MYOM1: variants seen among roughly 807,000 people sequenced by gnomAD.
The protein encoded by MYOM1 is myomesin-1.
MYOM1 carries 164 observed loss-of-function variants against 205.3 expected under a neutral mutation model. That is an observed-to-expected ratio of 0.80 (90% CI 0.70 to 0.91). MYOM1 has a LOEUF of 0.91. MYOM1 is among the 40% of genes least tolerant of loss of function. The pLI is 0.00. For synonymous variants in MYOM1, 772 were observed against 789.4 expected (o/e 0.98, Z 0.37); for missense variants, 2,011 against 2,127.3 (o/e 0.95, Z 1.08).
At chr18:3,224,140 T>C (rs112156831), upstream of MYOM1, among the ~76,000 whole-genome samples, 260 of 151,942 alleles carry the variant, frequency 1.7e-3, no homozygotes, top group African/African-American at 5.2e-3. Context: ...GAGATTCTCC[T>C]GCTTCAGCCT....
At chr18:3,240,996 C>A in the MYOM1 span, among the ~76,000 whole-genome samples, 1 of 152,072 alleles carries the variant, frequency 6.6e-6, no homozygotes, top group African/African-American at 2.4e-5. Context: ...GGGTATCTGG[C>A]AGAAGAAATT....
chr18:3,234,062 C>T, the MYOM1 span, among the ~76,000 whole-genome samples: 4 of 152,186 alleles, frequency 2.6e-5, no homozygotes, highest in African/African-American at 9.7e-5. Flanking sequence ...CCTTGCTAAG[C>T]TTCAGCTCAC....
chr18:3,176,095 A>G lies in MYOM1; in HGVS notation c.969T>C (p.Pro323=). The G allele has an allele frequency of 6.2e-7, 1 of 1,608,742 alleles. No homozygotes were observed. The highest frequency in any genetic ancestry group is 8.5e-7 in the Non-Finnish European group (1 of 1,175,134). ...NQVPINVHAN[P]GKYIIESRYG... ...ATCGACTCTCAATAATATACTTTCC[A>G]GGGTTTGCATGGACATTTATTGGCA... The change falls in exon 6 of 38, where the codon CCT becomes CCC. Residue 323 remains proline (P), a synonymous_variant. Coordinates refer to ENST00000356443, the MANE Select transcript of MYOM1 (RefSeq NM_003803.4).
At chr18:3,180,580 G>A (rs2080715142) in intron 5 of MYOM1, among the ~76,000 whole-genome samples, 1 of 152,182 alleles carries the variant, frequency 6.6e-6, no homozygotes, top group South Asian at 2.1e-4. Flanking sequence ...ATTCCAAGCT[G>A]AGTAGTCATC....
chr18:3,093,842 T>C (rs773284869), intron 26 of MYOM1, among the ~76,000 whole-genome samples: 4 of 152,114 alleles, frequency 2.6e-5, no homozygotes, highest in Non-Finnish European at 5.9e-5. Context: ...GTGAGTAAGA[T>C]GTGAATTCAG....
intron 25 of MYOM1, among the ~76,000 whole-genome samples, chr18:3,095,218 T>C (rs1009486436): frequency 4.6e-5 from 7 of 151,874 alleles, no homozygotes; most frequent in African/African-American, 1.7e-4. Context: ...TCTGGACCAG[T>C]TACTCTCCTC....
At chr18:3,132,196 G>C (rs1424584764) in intron 16 of MYOM1, among the ~76,000 whole-genome samples, 1 of 150,254 alleles carries the variant, frequency 6.7e-6, no homozygotes, top group Non-Finnish European at 1.5e-5. Flanking sequence ...CTGTTGCCCA[G>C]GCTGGAGTGC....
intron 2 of MYOM1, among the ~76,000 whole-genome samples, chr18:3,199,179 A>G (rs1477182471): frequency 6.6e-6 from 1 of 152,214 alleles, no homozygotes; most frequent in African/African-American, 2.4e-5. Context: ...GAAAAGGAGC[A>G]GCCAGGGAAG....
intron 1 of MYOM1, among the ~76,000 whole-genome samples, chr18:3,217,499 C>T (rs1039525120): frequency 1.3e-5 from 2 of 152,154 alleles, no homozygotes; most frequent in Admixed American, 6.5e-5. Context: ...CCTGTTAGAC[C>T]TCCCAGAGGA....
At chr18:3,164,625 G>A (rs930656870) in intron 9 of MYOM1, among the ~76,000 whole-genome samples, 186 bp from the exon 10 acceptor site, 2 of 152,150 alleles carry the variant, frequency 1.3e-5, no homozygotes, top group African/African-American at 4.8e-5. Flanking sequence ...CAAAAGTAAG[G>A]GGATAAGGGG....
intron 5 of MYOM1, among the ~76,000 whole-genome samples, chr18:3,180,147 TA>T: frequency 6.6e-6 from 1 of 152,278 alleles, no homozygotes; most frequent in African/African-American, 2.4e-5. Context: ...AATGAATTTT[TA>T]AAAATAAAAT....
chr18:3,229,744 C>T, the MYOM1 span, among the ~76,000 whole-genome samples: 43 of 152,128 alleles, frequency 2.8e-4, no homozygotes, highest in East Asian at 8.1e-3. Context: ...TCAAGGCATG[C>T]GGATCACCTG....
At chr18:3,075,678 G>A (rs183735591) in intron 35 of MYOM1, 47 bp downstream of exon 35, 78 of 1,582,040 alleles carry the variant, frequency 4.9e-5, no homozygotes, top group Non-Finnish European at 6.2e-5. Context: ...CAAGCTTCCC[G>A]GGAAATTAGT....
chr18:3,068,186 C>T (rs1285236105), intron 37 of MYOM1, among the ~76,000 whole-genome samples: 1 of 152,062 alleles, frequency 6.6e-6, no homozygotes, highest in Non-Finnish European at 1.5e-5. Flanking sequence ...TATGTAGACA[C>T]AAGGTCTACA....
chr18:3,141,856 A>G, intron 14 of MYOM1, 83 bp downstream of exon 14: 1 of 1,561,244 alleles, frequency 6.4e-7, no homozygotes, highest in East Asian at 2.3e-5. Context: ...CCCTCACTCC[A>G]TTGTCCCTGG....
chr18:3,230,665 A>G, the MYOM1 span, among the ~76,000 whole-genome samples: 1 of 152,140 alleles, frequency 6.6e-6, no homozygotes, highest in African/African-American at 2.4e-5. Context: ...TCAGGCCACT[A>G]CTTCCTTTAC....
intron 34 of MYOM1, among the ~76,000 whole-genome samples, 200 bp downstream of exon 34, chr18:3,078,973 CTTTTTT>C (rs11408756): frequency 1.5e-4 from 16 of 105,894 alleles, no homozygotes; most frequent in African/African-American, 6.0e-4. Context: ...TACCCAGCTA[CTTTTTT>C]TTTTTTTTTT....
intron 18 of MYOM1, among the ~76,000 whole-genome samples, chr18:3,127,463 C>G (rs1011365703): frequency 6.6e-6 from 1 of 151,608 alleles, no homozygotes; most frequent in Non-Finnish European, 1.5e-5. Context: ...TGTGCACCAC[C>G]ATGCCCGGCT....
intron 13 of MYOM1, among the ~76,000 whole-genome samples, chr18:3,145,706 C>G (rs1035470523): frequency 2.0e-5 from 3 of 151,844 alleles, no homozygotes; most frequent in Admixed American, 1.3e-4. Flanking sequence ...ACCTCAGCTT[C>G]TACCTTAAGA....
Sources: allele counts gnomAD v4.1 joint callset (sites outside exome capture counted in the v4.1 genomes callset), GRCh38; gene constraint gnomAD v4.1.1; transcripts MANE v1.5; gene names NCBI Gene and HGNC (gene_info 2026-07-23, HGNC 2026-07-21).